Variants in SHANK2 observed in about 807,000 individuals in gnomAD.
The protein encoded by SHANK2 is SH3 and multiple ankyrin repeat domains 2.
SHANK2 carries 43 observed loss-of-function variants against 133.7 expected under a neutral mutation model. That is an observed-to-expected ratio of 0.32 (90% CI 0.25 to 0.41). The LOEUF is 0.41. Ranked by LOEUF, SHANK2 falls within the 10% of genes least tolerant of loss-of-function variation. The probability of loss-of-function intolerance (pLI) is 1.00; values close to 1 mark genes in which losing one functional copy is unlikely to be tolerated. For synonymous variants in SHANK2, 1,017 were observed against 952.8 expected, an observed-to-expected ratio of 1.07 and a Z score of -1.24; for missense variants, 1,994 against 2,235.8, an observed-to-expected ratio of 0.89 and a Z score of 2.18.
At chr11:71,180,599 T>C (rs1254384285) in intron 2 of SHANK2, among the ~76,000 whole-genome samples, 5 of 152,164 alleles carry the variant, frequency 3.3e-5, no homozygotes, top group African/African-American at 1.2e-4. Context: ...TGAAAATACA[T>C]ACAGGCTTCT....
intron 2 of SHANK2, among the ~76,000 whole-genome samples, chr11:71,195,727 TAAAA>T (rs1187391111): frequency 2.0e-5 from 3 of 152,172 alleles, no homozygotes; most frequent in Admixed American, 6.5e-5. Context: ...TTTACAAACT[TAAAA>T]AAAGTTTTTG....
chr11:71,083,638 A>G lies in SHANK2; in HGVS notation c.913-8363T>C, dbSNP rs1951331328. ...AACTCAGAGAGGGAGGGAGAGAGCC[A>G]GGCTTTGCCCCAAGGAAGGTACCGG... On this transcript the variant is annotated intron_variant, in intron 8 of 25. Transcript: ENST00000601538. Among the ~76,000 whole-genome samples the G allele has an allele frequency of 4.6e-5, 7 of 152,280 alleles. No individual in the cohort carries two copies. In the South Asian group the frequency reaches 1.2e-3, roughly 27 times the overall value.
intron 11 of SHANK2, among the ~76,000 whole-genome samples, chr11:70,883,424 A>G (rs1949688192): frequency 6.6e-6 from 1 of 152,132 alleles, no homozygotes; most frequent in Admixed American, 6.5e-5. Context: ...AACAGCCAAA[A>G]GTCCAGCTCC....
chr11:70,952,336 T>C (rs1950856680), intron 10 of SHANK2, among the ~76,000 whole-genome samples: 1 of 152,182 alleles, frequency 6.6e-6, no homozygotes, highest in South Asian at 2.1e-4. Context: ...TGGAAACAAG[T>C]TCCATCTTGT....
At chr11:71,062,412 G>C (rs1210222941) in intron 9 of SHANK2, among the ~76,000 whole-genome samples, 2 of 152,234 alleles carry the variant, frequency 1.3e-5, no homozygotes, top group African/African-American at 4.8e-5. Context: ...GGGGCCTGGT[G>C]GGGTCAGCAA....
At chr11:71,234,833 G>A (rs527287826) in intron 1 of SHANK2, among the ~76,000 whole-genome samples, 4 of 152,228 alleles carry the variant, frequency 2.6e-5, no homozygotes, top group Admixed American at 6.5e-5. Flanking sequence ...CCCCATGAAC[G>A]GAGGGAGGAA....
At chr11:71,244,910 G>A (rs1177706398) in intron 1 of SHANK2, among the ~76,000 whole-genome samples, 2 of 151,954 alleles carry the variant, frequency 1.3e-5, no homozygotes, top group Non-Finnish European at 2.9e-5. Flanking sequence ...CACCATTTTG[G>A]CCAGGCTGGT....
At chr11:70,679,570 C>T (rs1226852941) in intron 15 of SHANK2, among the ~76,000 whole-genome samples, 1 of 152,234 alleles carries the variant, frequency 6.6e-6, no homozygotes, top group Non-Finnish European at 1.5e-5. Context: ...TGTCCCATTC[C>T]CCTGTGCTGG....
In SHANK2 at chr11:71,177,125, A is replaced by AAGATTTTTCAAACATAT. The variant is rs141500311; in HGVS notation, c.-12-29788_-12-29787insATATGTTTGAAAAATCT. 1.3e-5 allele frequency among the ~76,000 whole-genome samples: 2 copies of AAGATTTTTCAAACATAT among 152,018 alleles called. 1 individual carries two copies. Among genetic ancestry groups the AAGATTTTTCAAACATAT allele is most frequent in the South Asian group, 4.1e-4 (2 of 4,824 alleles). On this transcript the variant is annotated intron_variant, in intron 2 of 25. Transcript: ENST00000601538. ...GCAGTGAATATATCTTTCAGAAATG[A>AAGATTTTTCAAACATAT]AGTAGCCGAAAGAATTCATGACCAG...
chr11:71,056,109 C>T (rs926820202), intron 10 of SHANK2, among the ~76,000 whole-genome samples: 7 of 152,162 alleles, frequency 4.6e-5, no homozygotes, highest in South Asian at 2.1e-4. Flanking sequence ...GAAGGCAAGC[C>T]CCCTCCTGTG....
chr11:70,947,468 T>A (rs907633378), intron 10 of SHANK2, among the ~76,000 whole-genome samples: 4 of 150,744 alleles, frequency 2.7e-5, no homozygotes, highest in Non-Finnish European at 4.4e-5. Flanking sequence ...TTCTTCTGCC[T>A]CAGCCTCCCG....
chr11:70,833,956 G>C (rs1948767793), intron 11 of SHANK2, among the ~76,000 whole-genome samples: 1 of 152,222 alleles, frequency 6.6e-6, no homozygotes, highest in South Asian at 2.1e-4. Flanking sequence ...CTTCTGCCAG[G>C]AAGGAGCTCC....
intron 10 of SHANK2, 117 bp downstream of exon 10, chr11:71,056,364 C>T (rs1038370515): frequency 1.3e-5 from 2 of 152,242 alleles, no homozygotes; most frequent in African/African-American, 4.8e-5. Flanking sequence ...AATAAGAAAA[C>T]ATCCGCAACA....
Position 70,500,273 on chromosome 11 carries a change from C to T in SHANK2, c.2308+297G>A, listed in dbSNP as rs1555158083. ...GCTCTGCTCATCTGCAACCCCCCAT[C>T]CAGGCAGCCCCAGCTGAGACCAAAC... On this transcript the variant is annotated intron_variant, in intron 21 of 25. Coordinates refer to ENST00000601538, the MANE Select transcript of SHANK2 (RefSeq NM_012309.5). The surrounding 1 kb of genome is among the most constrained non-coding windows in gnomAD (Gnocchi z 4.5). 6.6e-6 allele frequency among the ~76,000 whole-genome samples: 1 copy of T among 152,136 alleles called. No individual in the cohort carries two copies. The highest frequency in any genetic ancestry group is 1.5e-5 in the Non-Finnish European group (1 of 68,024).
At chr11:71,136,637 G>A (rs1302566395) in intron 3 of SHANK2, among the ~76,000 whole-genome samples, 5 of 152,316 alleles carry the variant, frequency 3.3e-5, no homozygotes, top group African/African-American at 1.2e-4. Context: ...CAAAAAAGCT[G>A]ATTATGCTGA....
At chr11:70,720,935 G>C (rs782542825) in intron 14 of SHANK2, among the ~76,000 whole-genome samples, 1 of 152,226 alleles carries the variant, frequency 6.6e-6, no homozygotes, top group African/African-American at 2.4e-5. Flanking sequence ...ACTGGGAATT[G>C]GGAATTCTTT....
chr11:70,788,061 C>T (rs1369297681), intron 14 of SHANK2, among the ~76,000 whole-genome samples: 1 of 152,192 alleles, frequency 6.6e-6, no homozygotes, highest in African/African-American at 2.4e-5. Flanking sequence ...GTTACATGGC[C>T]TGCAGGATGG....
chr11:71,215,335 C>T (rs1395669411), intron 2 of SHANK2, among the ~76,000 whole-genome samples: 12 of 152,156 alleles, frequency 7.9e-5, no homozygotes, highest in Non-Finnish European at 1.5e-4. Flanking sequence ...CTCCCTGGCT[C>T]CCCTCACCCT....
At chr11:70,529,135 G>T (rs1554972704) in intron 17 of SHANK2, among the ~76,000 whole-genome samples, 2 of 152,110 alleles carry the variant, frequency 1.3e-5, no homozygotes, top group Non-Finnish European at 2.9e-5. Flanking sequence ...GGAGCCAGTG[G>T]CACACCAGGC....
Sources: gnomAD v4.1 joint callset for allele counts (sites outside exome capture counted in the v4.1 genomes callset) on GRCh38, gnomAD v4.1.1 for gene constraint, Gnocchi (gnomAD v3.1) non-coding constraint, MANE v1.5 for transcripts, NCBI Gene and HGNC (gene_info 2026-07-23, HGNC 2026-07-21) for gene names.